Variants in DNAH11 observed in about 807,000 individuals in gnomAD.
DNAH11 encodes the protein dynein axonemal heavy chain 11.
DNAH11 carries 442 observed loss-of-function variants against 526.0 expected under a neutral mutation model. The ratio of observed to expected loss-of-function variants is 0.84; its 90% CI spans 0.78 to 0.91. DNAH11 has a LOEUF of 0.91. Among genes scored for constraint, DNAH11 ranks in the 40% least tolerant of loss-of-function variants. The pLI is 0.00. For synonymous variants in DNAH11, 2,461 were observed against 1,935.9 expected, an observed-to-expected ratio of 1.27 and a Z score of -7.12; for missense variants, 6,989 against 5,448.7, an observed-to-expected ratio of 1.28 and a Z score of -8.90.
chr7:21,635,436 G>A (rs1235456709), intron 25 of DNAH11, among the ~76,000 whole-genome samples: 3 of 152,118 alleles, frequency 2.0e-5, no homozygotes, highest in East Asian at 1.9e-4. Flanking sequence ...GATTACAGGC[G>A]TGAGCCACCG....
intron 46 of DNAH11, among the ~76,000 whole-genome samples, chr7:21,737,571 A>G (rs1379250772): frequency 6.6e-6 from 1 of 152,210 alleles, no homozygotes; most frequent in East Asian, 1.9e-4. Context: ...CCCCCTGAGT[A>G]GTATAAGAGC....
At chr7:21,649,742 T>G (rs1787542888) in intron 28 of DNAH11, among the ~76,000 whole-genome samples, 2 of 151,270 alleles carry the variant, frequency 1.3e-5, no homozygotes, top group African/African-American at 4.9e-5. Context: ...CTGGACTCAC[T>G]GCAACCTCCA....
At chr7:21,606,026 G>C (rs1456121930) in intron 18 of DNAH11, among the ~76,000 whole-genome samples, 1 of 152,142 alleles carries the variant, frequency 6.6e-6, no homozygotes, top group Non-Finnish European at 1.5e-5. Flanking sequence ...TTAGTGTAAA[G>C]AAATTAGAAT....
intron 65 of DNAH11, among the ~76,000 whole-genome samples, chr7:21,841,463 G>A (rs1209426341): frequency 6.6e-6 from 1 of 152,076 alleles, no homozygotes; most frequent in Non-Finnish European, 1.5e-5. Flanking sequence ...CTGCTTGCTG[G>A]GACCACTGTC....
At chr7:21,567,907 A>G (rs1783738686) in intron 6 of DNAH11, among the ~76,000 whole-genome samples, 1 of 152,064 alleles carries the variant, frequency 6.6e-6, no homozygotes. Flanking sequence ...GTAACCTGAC[A>G]CTACTCCATG....
At chr7:21,771,076 T>C (rs959601761) in intron 55 of DNAH11, among the ~76,000 whole-genome samples, 5 of 152,190 alleles carry the variant, frequency 3.3e-5, no homozygotes, top group African/African-American at 4.8e-5. Flanking sequence ...ACAGAAATAA[T>C]TTCTGAGAAA....
At chr7:21,588,837 A>C (rs1005509293) in intron 11 of DNAH11, among the ~76,000 whole-genome samples, 1 of 152,092 alleles carries the variant, frequency 6.6e-6, no homozygotes, top group East Asian at 1.9e-4. Flanking sequence ...ATATGCTTAC[A>C]TGTTTTCTGG....
At chr7:21,804,457 T>C (rs535371639) in intron 62 of DNAH11, among the ~76,000 whole-genome samples, 2 of 152,272 alleles carry the variant, frequency 1.3e-5, no homozygotes, top group East Asian at 3.9e-4. Flanking sequence ...TTTAACTAAT[T>C]CACCACAAGT....
chr7:21,607,036 C>T (rs887171538), intron 20 of DNAH11, among the ~76,000 whole-genome samples: 3 of 152,138 alleles, frequency 2.0e-5, no homozygotes, highest in African/African-American at 7.2e-5. Flanking sequence ...GGCGAAGTCC[C>T]ACAGTAGGCT....
rs1360618150 is a variant in DNAH11 at position 21,848,996 on chromosome 7, C to T, written c.10897-3471C>T. ...TGCCTCCTTGGTTCAAACAATTCTC[C>T]TGCCTCAGCCTCCCGAGTAGCTGGG... On this transcript the variant is annotated intron_variant, in intron 66 of 81. Transcript: ENST00000409508. Among the ~76,000 whole-genome samples the T allele has an allele frequency of 2.6e-5, 4 of 152,198 alleles. No homozygotes were observed. The South Asian group carries it at 6.2e-4, about 24-fold the overall frequency.
At chr7:21,648,816 ACAAAG>A (rs537309954) in intron 28 of DNAH11, among the ~76,000 whole-genome samples, 119 of 152,330 alleles carry the variant, frequency 7.8e-4, no homozygotes, top group African/African-American at 2.6e-3. Context: ...AAATTTAAAA[ACAAAG>A]CAAAGAATTG....
chr7:21,858,240 C>CA (rs1420535025), intron 68 of DNAH11, among the ~76,000 whole-genome samples: 1 of 152,130 alleles, frequency 6.6e-6, no homozygotes, highest in Non-Finnish European at 1.5e-5. Context: ...GCAAGTGTAG[C>CA]ACAGATATGG....
At chr7:21,885,172 A>T (rs1171778242) in intron 76 of DNAH11, among the ~76,000 whole-genome samples, 1 of 134,516 alleles carries the variant, frequency 7.4e-6, no homozygotes, top group East Asian at 2.0e-4. Flanking sequence ...AATGAACTAT[A>T]AAAAAAAAAA....
intron 28 of DNAH11, among the ~76,000 whole-genome samples, chr7:21,640,843 C>CT (rs1252802592): frequency 6.6e-6 from 1 of 152,138 alleles, no homozygotes; most frequent in African/African-American, 2.4e-5. Context: ...GAGACTTCAG[C>CT]TTTTTCATCC....
intron 56 of DNAH11, among the ~76,000 whole-genome samples, chr7:21,776,041 AAAAAG>A (rs1195116008): frequency 6.6e-6 from 1 of 152,208 alleles, no homozygotes; most frequent in Non-Finnish European, 1.5e-5. Context: ...AGCCACAGGA[AAAAAG>A]AAGAGGAGAG....
Position 21,601,439 on chromosome 7 carries a change from C to T in DNAH11, c.3469C>T (p.Leu1157Phe). The change falls in exon 18 of 82, where the codon CTT becomes TTT. Residue 1157 changes from leucine (L) to phenylalanine (F), a missense_variant. Physicochemically the swap from Leu to Phe is conservative, Grantham distance 22 (BLOSUM62 0). Coordinates refer to ENST00000409508, the MANE Select transcript of DNAH11 (RefSeq NM_001277115.2). The stretch of plus-strand genomic sequence containing the variant: ...ATTTATAAAGGAGACAGATTCCGGA[C>T]TTCAGAGAGAATTAAATGAAGGTGA... ...QEFIKETDSG[L>F]QRELNEGDHD... 2 of 1,613,586 alleles carry T rather than the reference C, an allele frequency of 1.2e-6. No individual in the cohort carries two copies. The highest frequency in any genetic ancestry group is 1.7e-6 in the Non-Finnish European group (2 of 1,179,730).
intron 4 of DNAH11, 124 bp from the exon 5 acceptor site, chr7:21,560,946 CT>C (rs1376562951): frequency 1.5e-5 from 10 of 645,220 alleles, no homozygotes; most frequent in African/African-American, 1.3e-4. Flanking sequence ...CCAGATATAA[CT>C]TTGAGTGTTA....
chr7:21,803,165 C>T (rs1789070740), intron 62 of DNAH11, among the ~76,000 whole-genome samples: 1 of 152,180 alleles, frequency 6.6e-6, no homozygotes, highest in East Asian at 1.9e-4. Context: ...AGCTGACAAG[C>T]ATAGAACTGC....
chr7:21,861,008 C>T (rs930932500), intron 68 of DNAH11, among the ~76,000 whole-genome samples: 9 of 152,158 alleles, frequency 5.9e-5, no homozygotes, highest in Admixed American at 5.2e-4. Context: ...CACCAGGTGC[C>T]TCCCACAACA....
Sources: gnomAD v4.1 joint callset for allele counts (sites outside exome capture counted in the v4.1 genomes callset) on GRCh38, gnomAD v4.1.1 for gene constraint, MANE v1.5 for transcripts, NCBI Gene and HGNC (gene_info 2026-07-23, HGNC 2026-07-21) for gene names.